Variants in CNTNAP2 observed in about 807,000 individuals in gnomAD.
The protein encoded by CNTNAP2 is contactin-associated protein-like 2.
Under a neutral mutation model 155.2 loss-of-function variants are expected in CNTNAP2, and 98 were observed. That is an observed-to-expected ratio of 0.63 (90% CI 0.54 to 0.75). CNTNAP2 has a LOEUF of 0.75. Ranked by LOEUF, CNTNAP2 falls within the 30% of genes least tolerant of loss-of-function variation. The probability of loss-of-function intolerance (pLI) is 0.00; values close to 1 mark genes in which losing one functional copy is unlikely to be tolerated. For synonymous variants in CNTNAP2, 651 were observed against 631.2 expected, an observed-to-expected ratio of 1.03 and a Z score of -0.47; for missense variants, 1,727 against 1,688.1, an observed-to-expected ratio of 1.02 and a Z score of -0.40.
intron 13 of CNTNAP2, among the ~76,000 whole-genome samples, chr7:147,817,054 G>A (rs1261768820): frequency 6.6e-6 from 1 of 152,090 alleles, no homozygotes; most frequent in East Asian, 1.9e-4. Flanking sequence ...AGAGAGGGAA[G>A]GAAGCAGTTA....
At chr7:146,714,096 ACC>A (rs1279228466) in intron 1 of CNTNAP2, among the ~76,000 whole-genome samples, 6 of 151,982 alleles carry the variant, frequency 3.9e-5, no homozygotes, top group Non-Finnish European at 8.8e-5. Context: ...TGCCTGACTC[ACC>A]CTTTAAGATA....
intron 11 of CNTNAP2, among the ~76,000 whole-genome samples, chr7:147,499,864 G>A (rs1309089131): frequency 1.3e-5 from 2 of 152,118 alleles, no homozygotes; most frequent in African/African-American, 4.8e-5. Flanking sequence ...AGTGTTTCTA[G>A]CTCTGTGCTT....
rs1319781006 is a variant in CNTNAP2 at position 147,132,276 on chromosome 7, A to G, written c.1115A>G (p.Tyr372Cys). ...GNLSFSCVEP[Y>C]TVPVFFNATS... ...TTGAGCTTTTCTTGTGTGGAACCCT[A>G]TACGGTGCCTGTCTTTTTCAACGCT... Residue 372 changes from tyrosine (Y) to cysteine (C), a missense_variant, in exon 8 of 24, where the codon TAT becomes TGT. Transcript: ENST00000361727. 2.5e-6 allele frequency: 4 copies of G among 1,613,684 alleles called. No homozygotes were observed. The highest frequency in any genetic ancestry group is 3.4e-6 in the Non-Finnish European group (4 of 1,179,760).
intron 22 of CNTNAP2, among the ~76,000 whole-genome samples, chr7:148,385,929 A>C (rs1247277936): frequency 6.6e-6 from 1 of 151,976 alleles, no homozygotes. Context: ...GGATTTCACC[A>C]TGTTGGCCAA....
intron 14 of CNTNAP2, among the ~76,000 whole-genome samples, chr7:147,944,127 C>T (rs1563143393): frequency 6.6e-6 from 1 of 152,176 alleles, no homozygotes. Flanking sequence ...AGATGCTAAT[C>T]GATCTTCTAT....
intron 12 of CNTNAP2, among the ~76,000 whole-genome samples, chr7:147,577,821 TTC>T (rs1358354291): frequency 6.6e-6 from 1 of 152,034 alleles, no homozygotes; most frequent in Non-Finnish European, 1.5e-5. Context: ...GGATAGAGAA[TTC>T]TCTCTTGGTA....
intron 15 of CNTNAP2, among the ~76,000 whole-genome samples, chr7:148,093,054 A>G (rs1384951394): frequency 6.6e-6 from 1 of 152,058 alleles, no homozygotes; most frequent in African/African-American, 2.4e-5. Context: ...CCTTTATAAT[A>G]TATATAGGGT....
intron 8 of CNTNAP2, among the ~76,000 whole-genome samples, chr7:147,150,886 C>A (rs946163978): frequency 7.2e-5 from 11 of 152,068 alleles, no homozygotes; most frequent in Admixed American, 5.2e-4. Flanking sequence ...CAGACAAAAC[C>A]CCAAAAGAAA....
intron 13 of CNTNAP2, among the ~76,000 whole-genome samples, chr7:147,778,228 C>G (rs532217746): frequency 2.6e-5 from 4 of 152,248 alleles, no homozygotes; most frequent in African/African-American, 7.2e-5. Flanking sequence ...TTGCTTTATC[C>G]ACTGCTTTCT....
chr7:146,552,815 C>T (rs1410838548), intron 1 of CNTNAP2, among the ~76,000 whole-genome samples: 1 of 152,056 alleles, frequency 6.6e-6, no homozygotes, highest in East Asian at 1.9e-4. Flanking sequence ...CGACATTGTA[C>T]ATACATGCAA....
chr7:146,769,338 A>G, intron 1 of CNTNAP2, among the ~76,000 whole-genome samples: 1 of 152,146 alleles, frequency 6.6e-6, no homozygotes, highest in Admixed American at 6.6e-5. Context: ...CAGGGATTTG[A>G]CTGATTTCCT....
intron 9 of CNTNAP2, among the ~76,000 whole-genome samples, chr7:147,373,795 G>A (rs1168510257): frequency 6.6e-6 from 1 of 151,772 alleles, no homozygotes; most frequent in African/African-American, 2.4e-5. Context: ...TTTTTTGCTT[G>A]TTGGTTTGGT....
intron 9 of CNTNAP2, among the ~76,000 whole-genome samples, chr7:147,307,392 A>G (rs1487539428): frequency 6.6e-6 from 1 of 151,906 alleles, no homozygotes; most frequent in African/African-American, 2.4e-5. Context: ...AGCCTGGCCA[A>G]TATGATGAAA....
At chr7:146,785,976 T>C (rs1184662963) in intron 2 of CNTNAP2, among the ~76,000 whole-genome samples, 1 of 152,130 alleles carries the variant, frequency 6.6e-6, no homozygotes, top group Non-Finnish European at 1.5e-5. Context: ...GTAGAAGCAG[T>C]GTAGCCTACA....
At chr7:147,785,582 G>A (rs1441574050) in intron 13 of CNTNAP2, among the ~76,000 whole-genome samples, 1 of 152,208 alleles carries the variant, frequency 6.6e-6, no homozygotes, top group Non-Finnish European at 1.5e-5. Context: ...AAGAGTTGGG[G>A]ATGCTTGAAT....
At chr7:148,350,304 A>T (rs1798405555) in intron 21 of CNTNAP2, among the ~76,000 whole-genome samples, 1 of 152,214 alleles carries the variant, frequency 6.6e-6, no homozygotes, top group African/African-American at 2.4e-5. Context: ...CCGCAAATAC[A>T]GGGCAGGCAA....
chr7:148,021,707 G>A (rs926523993), intron 15 of CNTNAP2, among the ~76,000 whole-genome samples: 3 of 152,204 alleles, frequency 2.0e-5, no homozygotes, highest in Admixed American at 2.0e-4. Flanking sequence ...TGCAGACAGG[G>A]TGGCAGGAAT....
chr7:147,411,522 A>G (rs1797102342), intron 10 of CNTNAP2, among the ~76,000 whole-genome samples: 1 of 152,160 alleles, frequency 6.6e-6, no homozygotes, highest in Non-Finnish European at 1.5e-5. Context: ...TTTGTATAAT[A>G]TATCTAGAAA....
chr7:146,257,265 A>T (rs935878829), intron 1 of CNTNAP2, among the ~76,000 whole-genome samples: 3 of 152,184 alleles, frequency 2.0e-5, no homozygotes, highest in African/African-American at 7.2e-5. Flanking sequence ...CCAGCAACAA[A>T]AAGTACAACT....
Sources: allele counts gnomAD v4.1 joint callset (sites outside exome capture counted in the v4.1 genomes callset), GRCh38; gene constraint gnomAD v4.1.1; transcripts MANE v1.5; gene names NCBI Gene and HGNC (gene_info 2026-07-23, HGNC 2026-07-21).